Variants in CACNA2D3 observed in about 807,000 individuals in gnomAD.
The protein encoded by CACNA2D3 is calcium voltage-gated channel auxiliary subunit alpha2delta 3, also known as voltage-dependent calcium channel subunit alpha-2/delta-3.
Under a neutral mutation model 160.6 loss-of-function variants are expected in CACNA2D3, and 60 were observed. The observed-to-expected ratio is 0.37, with a 90% CI of 0.30 to 0.46. The LOEUF (loss-of-function observed/expected upper bound fraction) is 0.46, where lower values mean the gene tolerates loss of function less well. CACNA2D3 is among the 20% of genes least tolerant of loss of function. The pLI is 1.00. For missense variants in CACNA2D3, 1,205 were observed against 1,365.0 expected (o/e 0.88, Z 1.85); for synonymous variants, 558 against 492.9 (o/e 1.13, Z -1.75).
intron 11 of CACNA2D3, among the ~76,000 whole-genome samples, chr3:54,699,952 A>G (rs1700736789): frequency 1.3e-5 from 2 of 152,188 alleles, no homozygotes; most frequent in Admixed American, 1.3e-4. Flanking sequence ...CATGAGGTTA[A>G]ATCGTGTGTT....
intron 17 of CACNA2D3, among the ~76,000 whole-genome samples, chr3:54,860,976 AG>A: frequency 6.6e-6 from 1 of 152,334 alleles, no homozygotes; most frequent in South Asian, 2.1e-4. Context: ...ATGACTACAT[AG>A]ACTAATTTGT....
chr3:54,188,812 A>G (rs796988950), intron 2 of CACNA2D3, among the ~76,000 whole-genome samples: 4 of 152,336 alleles, frequency 2.6e-5, no homozygotes, highest in South Asian at 4.1e-4. Flanking sequence ...TATCATTAGA[A>G]TGGCATTAGT....
rs145576323 is a variant in CACNA2D3 at position 54,403,431 on chromosome 3, G to A, written c.381+16657G>A. 8.8e-3 allele frequency among the ~76,000 whole-genome samples: 1,328 copies of A among 150,144 alleles called. 6 individuals are homozygous for A. The highest frequency in any genetic ancestry group is 0.014 in the Non-Finnish European group (966 of 67,618). Reference sequence around the variant, plus strand: ...CAATAAAAATATCTTGAGACAAAAGGTAGTGAAGACATAACATACCAAAAC... The same window carrying A: ...CAATAAAAATATCTTGAGACAAAAGATAGTGAAGACATAACATACCAAAAC... On this transcript the variant is annotated intron_variant, in intron 4 of 37. Coordinates refer to ENST00000474759, the MANE Select transcript of CACNA2D3 (RefSeq NM_018398.3).
chr3:54,894,423 A>C (rs575383644), intron 25 of CACNA2D3, among the ~76,000 whole-genome samples: 1 of 152,250 alleles, frequency 6.6e-6, no homozygotes, highest in East Asian at 1.9e-4. Flanking sequence ...CCAGATGTGC[A>C]GCATTCCAGA....
intron 3 of CACNA2D3, among the ~76,000 whole-genome samples, chr3:54,340,834 A>G (rs1056378488): frequency 6.6e-6 from 1 of 152,190 alleles, no homozygotes; most frequent in African/African-American, 2.4e-5. Context: ...GATGGGGCAC[A>G]TCCCAGGTGT....
intron 11 of CACNA2D3, among the ~76,000 whole-genome samples, chr3:54,670,783 T>C (rs966348545): frequency 2.0e-5 from 3 of 152,184 alleles, no homozygotes; most frequent in African/African-American, 7.2e-5. Context: ...ACCCTCAGCC[T>C]GGGGTGTGGA....
chr3:54,877,310 A>G (rs961917775), intron 18 of CACNA2D3, among the ~76,000 whole-genome samples: 2 of 152,340 alleles, frequency 1.3e-5, no homozygotes, highest in Non-Finnish European at 2.9e-5. Context: ...GGTGTCTGAC[A>G]CTAAGTGAAA....
chr3:54,929,957 C>A (rs148209645), intron 27 of CACNA2D3, among the ~76,000 whole-genome samples: 3 of 152,252 alleles, frequency 2.0e-5, no homozygotes, highest in African/African-American at 4.8e-5. Flanking sequence ...ACCTGTGTGC[C>A]TCTCTCTTTC....
intron 11 of CACNA2D3, among the ~76,000 whole-genome samples, chr3:54,675,973 T>A (rs1388185238): frequency 6.6e-6 from 1 of 152,208 alleles, no homozygotes; most frequent in Non-Finnish European, 1.5e-5. Flanking sequence ...TTGTCTTCCC[T>A]AAAATCCCTT....
chr3:54,648,470 C>T, intron 11 of CACNA2D3, among the ~76,000 whole-genome samples: 1 of 152,172 alleles, frequency 6.6e-6, no homozygotes, highest in East Asian at 1.9e-4. Flanking sequence ...TCTAAAGGAA[C>T]CTTTTAAAAA....
At chr3:54,203,915 C>T (rs1453549862) in intron 2 of CACNA2D3, among the ~76,000 whole-genome samples, 2 of 151,792 alleles carry the variant, frequency 1.3e-5, no homozygotes, top group African/African-American at 4.8e-5. Context: ...GAAAATGCAA[C>T]ATTTGGGCGC....
At chr3:54,652,236 G>A (rs983310535) in intron 11 of CACNA2D3, among the ~76,000 whole-genome samples, 7 of 105,986 alleles carry the variant, frequency 6.6e-5, no homozygotes, top group African/African-American at 1.3e-4. Context: ...TGCTGGCAGC[G>A]GAAAAAAAGG....
chr3:54,736,142 C>CATATATATATGTATATATATAT (rs1559563872), intron 11 of CACNA2D3, among the ~76,000 whole-genome samples: 1 of 69,158 alleles, frequency 1.4e-5, no homozygotes, highest in African/African-American at 5.3e-5. Flanking sequence ...TATATATATA[C>CATATATATATGTATATATATAT]ACACACACAC....
chr3:54,929,309 A>G (rs1026498373), intron 27 of CACNA2D3, among the ~76,000 whole-genome samples: 1 of 152,140 alleles, frequency 6.6e-6, no homozygotes, highest in Non-Finnish European at 1.5e-5. Context: ...ACAATTTTGC[A>G]TGAGAAAGGC....
intron 29 of CACNA2D3, among the ~76,000 whole-genome samples, chr3:54,981,627 G>T (rs1001062635): frequency 3.3e-5 from 5 of 152,300 alleles, no homozygotes; most frequent in Admixed American, 3.3e-4. Context: ...CAGGCTTCTG[G>T]GTTCCCTTTC....
intron 13 of CACNA2D3, among the ~76,000 whole-genome samples, chr3:54,802,684 T>C (rs1220765576): frequency 6.6e-6 from 1 of 152,154 alleles, no homozygotes; most frequent in African/African-American, 2.4e-5. Context: ...TGTCCCTGTC[T>C]GACAGCTTTG....
chr3:55,020,738 C>T (rs992192644), intron 35 of CACNA2D3, among the ~76,000 whole-genome samples: 10 of 151,816 alleles, frequency 6.6e-5, no homozygotes, highest in Non-Finnish European at 1.5e-4. Flanking sequence ...GTAATCCCAA[C>T]TACTCGGGAG....
chr3:54,796,387 G>C (rs1307271674), intron 13 of CACNA2D3, among the ~76,000 whole-genome samples: 1 of 152,112 alleles, frequency 6.6e-6, no homozygotes, highest in Non-Finnish European at 1.5e-5. Flanking sequence ...CACTCAGCTT[G>C]TGTGAGTTCT....
chr3:54,631,199 A>T (rs1417782727), intron 10 of CACNA2D3, among the ~76,000 whole-genome samples: 2 of 108,034 alleles, frequency 1.9e-5, no homozygotes, highest in Non-Finnish European at 3.7e-5. Flanking sequence ...GCGAGACTCC[A>T]TCAAACACAC....
Sources: allele counts gnomAD v4.1 joint callset (sites outside exome capture counted in the v4.1 genomes callset), GRCh38; gene constraint gnomAD v4.1.1; transcripts MANE v1.5; gene names NCBI Gene and HGNC (gene_info 2026-07-23, HGNC 2026-07-21).